The following ADK variants were observed in gnomAD, a reference collection of about 807,000 sequenced individuals.
The protein encoded by ADK is N6,N6-dimethyladenosine kinase.
In ADK, 24 loss-of-function variants were observed where a neutral mutation model predicts 44.7. That is an observed-to-expected ratio of 0.54 (90% CI 0.39 to 0.76). The LOEUF is 0.76. ADK is among the 30% of genes least tolerant of loss of function. The pLI is 0.00. For synonymous variants in ADK, 128 were observed against 142.6 expected (o/e 0.90, Z 0.73); for missense variants, 321 against 425.1 (o/e 0.76, Z 2.15).
rs1255541124 is a variant in ADK at position 74,170,734 on chromosome 10, A to G, written c.65+19391A>G. On this transcript the variant is annotated intron_variant, in intron 1 of 10. Transcript: ENST00000539909. ...AGAATGGCGTGAATCTGGGAGGCTGAGCCTGCAGTGAGCCGAGATCGCGCC... is the reference window on the plus strand; with the variant it reads ...AGAATGGCGTGAATCTGGGAGGCTGGGCCTGCAGTGAGCCGAGATCGCGCC... 2.0e-5 allele frequency among the ~76,000 whole-genome samples: 3 copies of G among 150,520 alleles called. No homozygotes were observed. The Admixed American group carries it at 2.0e-4, about 10-fold the overall frequency.
At chr10:74,666,980 G>GC (rs968301262) in intron 9 of ADK, among the ~76,000 whole-genome samples, 4 of 151,900 alleles carry the variant, frequency 2.6e-5, no homozygotes, top group Non-Finnish European at 5.9e-5. Context: ...ACAGGCACAT[G>GC]CCACCATGCC....
chr10:74,368,460 C>A (rs1182103204), intron 4 of ADK, among the ~76,000 whole-genome samples: 2 of 151,484 alleles, frequency 1.3e-5, no homozygotes, highest in African/African-American at 4.9e-5. Context: ...TTCTAAATTT[C>A]TTCTAGGGTA....
chr10:74,154,324 A>C (rs1841693070), intron 1 of ADK, among the ~76,000 whole-genome samples: 1 of 152,138 alleles, frequency 6.6e-6, no homozygotes, highest in Non-Finnish European at 1.5e-5. Flanking sequence ...GTTGGAGTGC[A>C]GTGGCACCAT....
At chr10:74,663,334 G>A (rs1407548129) in intron 9 of ADK, among the ~76,000 whole-genome samples, 2 of 150,746 alleles carry the variant, frequency 1.3e-5, no homozygotes, top group Non-Finnish European at 2.9e-5. Flanking sequence ...TAGAATGTTG[G>A]CCTCATAAAA....
intron 7 of ADK, among the ~76,000 whole-genome samples, chr10:74,564,305 GA>G (rs1850567515): frequency 1.3e-5 from 2 of 152,088 alleles, no homozygotes; most frequent in Non-Finnish European, 2.9e-5. Context: ...CTTAAAAAAA[GA>G]AAAACACTAT....
At chr10:74,595,428 G>A (rs1455856614) in intron 8 of ADK, among the ~76,000 whole-genome samples, 6 of 100,508 alleles carry the variant, frequency 6.0e-5, no homozygotes, top group African/African-American at 2.2e-4. Flanking sequence ...CCAGGCTGGA[G>A]TGCAGTGGCG....
Position 74,228,475 on chromosome 10 carries a change from A to T in ADK, c.194+3884A>T, listed in dbSNP as rs1357614994. Among the ~76,000 whole-genome samples the T allele has an allele frequency of 2.6e-5, 4 of 152,220 alleles. No homozygotes were observed. In the East Asian group the frequency reaches 7.7e-4, roughly 29 times the overall value. ...TAAATGGAATAATTTAAAATAAATT[A>T]GGAAAACATCACTATTTTACTAAGT... On this transcript the variant is annotated intron_variant, in intron 3 of 10. Coordinates refer to ENST00000539909, the MANE Select transcript of ADK (RefSeq NM_006721.4).
At chr10:74,267,716 G>T (rs1391225480) in intron 3 of ADK, among the ~76,000 whole-genome samples, 1 of 149,522 alleles carries the variant, frequency 6.7e-6, no homozygotes, top group Non-Finnish European at 1.5e-5. Context: ...TCTTCTAGAG[G>T]TAGGGTACTG....
At chr10:74,548,788 A>G (rs774300617) in intron 7 of ADK, among the ~76,000 whole-genome samples, 1 of 152,218 alleles carries the variant, frequency 6.6e-6, no homozygotes, top group East Asian at 1.9e-4. Flanking sequence ...CACTGTAGTC[A>G]CTCAATAAAT....
chr10:74,362,289 C>A (rs957778508), intron 4 of ADK, among the ~76,000 whole-genome samples: 2 of 151,178 alleles, frequency 1.3e-5, no homozygotes, highest in Non-Finnish European at 2.9e-5. Context: ...TATTTTTAAT[C>A]ATTTTTCTTT....
chr10:74,309,720 A>G (rs569417528), intron 3 of ADK, among the ~76,000 whole-genome samples: 43 of 152,272 alleles, frequency 2.8e-4, no homozygotes, highest in African/African-American at 1.0e-3. Flanking sequence ...GAAAAAGTCC[A>G]ACAGAGGTCC....
chr10:74,354,507 C>T (rs1842071690), intron 4 of ADK, among the ~76,000 whole-genome samples: 1 of 152,100 alleles, frequency 6.6e-6, no homozygotes, highest in Admixed American at 6.5e-5. Flanking sequence ...CTTTGGAATA[C>T]TGCTTAAGGA....
intron 6 of ADK, among the ~76,000 whole-genome samples, chr10:74,490,683 A>C (rs1389178760): frequency 1.3e-5 from 2 of 152,090 alleles, no homozygotes; most frequent in Non-Finnish European, 2.9e-5. Context: ...ATACTTCAAT[A>C]CCGTTCGTCT....
intron 1 of ADK, among the ~76,000 whole-genome samples, chr10:74,175,467 A>C (rs1050501525): frequency 6.6e-6 from 1 of 152,340 alleles, no homozygotes; most frequent in East Asian, 1.9e-4. Flanking sequence ...AATTTAAATG[A>C]ATTAAAATTA....
At chr10:74,247,059 G>T (rs1226906838) in intron 3 of ADK, among the ~76,000 whole-genome samples, 1 of 151,838 alleles carries the variant, frequency 6.6e-6, no homozygotes, top group Non-Finnish European at 1.5e-5. Flanking sequence ...GTCCTGAGAT[G>T]AAAGTGTCTG....
intron 1 of ADK, among the ~76,000 whole-genome samples, chr10:74,190,841 C>A (rs985246927): frequency 6.6e-6 from 1 of 152,082 alleles, no homozygotes; most frequent in Non-Finnish European, 1.5e-5. Flanking sequence ...GGAAGAGGGG[C>A]ATGGGAATAA....
At chr10:74,193,826 T>C (rs1843034891) in intron 1 of ADK, among the ~76,000 whole-genome samples, 1 of 151,664 alleles carries the variant, frequency 6.6e-6, no homozygotes, top group Admixed American at 6.6e-5. Context: ...TGAAAACCCA[T>C]GGAATTATCA....
intron 6 of ADK, among the ~76,000 whole-genome samples, chr10:74,495,252 G>A (rs1332853739): frequency 6.0e-5 from 9 of 150,768 alleles, no homozygotes; most frequent in Non-Finnish European, 1.3e-4. Flanking sequence ...TTACTTCCTG[G>A]GTTGATCCTC....
intron 3 of ADK, among the ~76,000 whole-genome samples, chr10:74,313,638 G>A (rs528268347): frequency 1.8e-3 from 280 of 151,764 alleles, no homozygotes; most frequent in African/African-American, 5.9e-3. Context: ...CAAGTATGGG[G>A]TCCTAGTCCC....
Sources: allele counts gnomAD v4.1 joint callset (sites outside exome capture counted in the v4.1 genomes callset), GRCh38; gene constraint gnomAD v4.1.1; transcripts MANE v1.5; gene names NCBI Gene and HGNC (gene_info 2026-07-23, HGNC 2026-07-21).